Variants in DDHD1 observed in about 807,000 individuals in gnomAD.
DDHD1 encodes the protein DDHD domain containing 1.
Under a neutral mutation model 96.4 loss-of-function variants are expected in DDHD1, and 49 were observed. That is an observed-to-expected ratio of 0.51 (90% CI 0.40 to 0.64). The LOEUF (loss-of-function observed/expected upper bound fraction) is 0.64, where lower values mean the gene tolerates loss of function less well. DDHD1 is among the 30% of genes least tolerant of loss of function. The probability of loss-of-function intolerance (pLI) is 0.00; values close to 1 mark genes in which losing one functional copy is unlikely to be tolerated. For synonymous variants in DDHD1, 442 were observed against 446.5 expected (o/e 0.99, Z 0.13); for missense variants, 1,106 against 1,161.2 (o/e 0.95, Z 0.69).
intron 11 of DDHD1, 149 bp from the exon 12 acceptor site, chr14:53,052,076 T>G: frequency 1.7e-6 from 1 of 599,932 alleles, no homozygotes; most frequent in African/African-American, 1.8e-5. Context: ...TTAATTTTTG[T>G]AAGGAGCTCT....
At chr14:53,067,747 G>A (rs984469691) in intron 6 of DDHD1, among the ~76,000 whole-genome samples, 10 of 152,158 alleles carry the variant, frequency 6.6e-5, no homozygotes, top group Admixed American at 3.9e-4. Context: ...ATCAGCCACC[G>A]TGCCCTGCCC....
rs1886461778 is a variant in DDHD1, at chr14:53,091,898, A to C, written c.1176T>G (p.Tyr392Ter). Residue 392 changes from tyrosine to a stop codon, truncating the protein, a stop_gained, in exon 4 of 13, where the codon TAT becomes TAG. Coordinates refer to ENST00000673822, the MANE Select transcript of DDHD1 (RefSeq NM_001160148.2). LOFTEE classifies it high-confidence loss of function. Reference sequence around the variant, plus strand: ...TGTCTTCTAATGTGGCTTCTTCTACATAACCTCTATGAAGTCTGGTACCAC... The same window carrying C: ...TGTCTTCTAATGTGGCTTCTTCTACCTAACCTCTATGAAGTCTGGTACCAC... ...SSSGTRLHRG[Y>*]VEEATLEDKP... is the part of the protein sequence containing the mutation. 1 of 1,613,262 alleles carries C rather than the reference A, an allele frequency of 6.2e-7. No homozygotes were observed. The highest frequency in any genetic ancestry group is 8.5e-7 in the Non-Finnish European group (1 of 1,179,476).
intron 12 of DDHD1, among the ~76,000 whole-genome samples, chr14:53,048,236 A>G (rs1274347137): frequency 6.6e-6 from 1 of 151,990 alleles, no homozygotes; most frequent in Non-Finnish European, 1.5e-5. Context: ...CTAGCTACAC[A>G]TTTTCAGAGA....
At chr14:53,055,948 G>A in intron 9 of DDHD1, 36 bp from the exon 10 acceptor site, 1 of 1,560,160 alleles carries the variant, frequency 6.4e-7, no homozygotes, top group Non-Finnish European at 8.7e-7. Context: ...GAAACACAGT[G>A]TTAAATCACA....
intron 1 of DDHD1, among the ~76,000 whole-genome samples, chr14:53,138,103 T>C (rs964024914): frequency 6.6e-6 from 1 of 152,194 alleles, no homozygotes; most frequent in Non-Finnish European, 1.5e-5. Flanking sequence ...AATTGTTTTT[T>C]TAAAAATTGA....
chr14:53,053,782 C>A (rs1882810891), intron 11 of DDHD1: 1 of 152,068 alleles, frequency 6.6e-6, no homozygotes, highest in Non-Finnish European at 1.5e-5. Context: ...AAATAATGTT[C>A]AAGTTCAGAC....
chr14:53,118,253 TCTC>T (rs1279945062), intron 1 of DDHD1, among the ~76,000 whole-genome samples: 7 of 152,080 alleles, frequency 4.6e-5, no homozygotes, highest in Non-Finnish European at 1.5e-5. Context: ...GAGCGCCTCT[TCTC>T]CTCCAAAGGA....
At chr14:53,131,353 T>C (rs1889851500) in intron 1 of DDHD1, among the ~76,000 whole-genome samples, 1 of 152,170 alleles carries the variant, frequency 6.6e-6, no homozygotes, top group Admixed American at 6.5e-5. Context: ...CATTAAAATC[T>C]AATCAGCCTT....
At position 53,101,460 on chromosome 14, in the gene DDHD1, A is replaced by C. The variant is rs114551740; in HGVS notation, c.1012+2223T>G. 5.5e-3 allele frequency among the ~76,000 whole-genome samples: 833 copies of C among 152,202 alleles called. 8 individuals carry two copies. The highest frequency in any genetic ancestry group is 0.019 in the African/African-American group (795 of 41,574). On this transcript the variant is annotated intron_variant, in intron 2 of 12. Coordinates refer to ENST00000673822, the MANE Select transcript of DDHD1 (RefSeq NM_001160148.2). ...TGCTGAATCTTATATGCCACAGTAC[A>C]TTATAAAAACAAATTTTCTTCTAAT...
intron 1 of DDHD1, among the ~76,000 whole-genome samples, chr14:53,145,499 T>C (rs1890918136): frequency 1.1e-5 from 1 of 95,228 alleles, no homozygotes; most frequent in African/African-American, 4.7e-5. Flanking sequence ...CAAAACCTTG[T>C]CTCAAAAAAA....
chr14:53,071,337 TAA>T (rs1884489378), intron 6 of DDHD1, among the ~76,000 whole-genome samples: 1 of 152,060 alleles, frequency 6.6e-6, no homozygotes, highest in African/African-American at 2.4e-5. Context: ...ACTATAACAA[TAA>T]GTGTAAATGC....
chr14:53,133,878 C>T (rs1427317573), intron 1 of DDHD1, among the ~76,000 whole-genome samples: 3 of 151,958 alleles, frequency 2.0e-5, no homozygotes, highest in Admixed American at 6.5e-5. Flanking sequence ...TCTACAACCT[C>T]GATGGACCAG....
chr14:53,141,141 C>T (rs1323081939), intron 1 of DDHD1, among the ~76,000 whole-genome samples: 1 of 152,186 alleles, frequency 6.6e-6, no homozygotes, highest in Non-Finnish European at 1.5e-5. Flanking sequence ...CTTCTCCTCA[C>T]TGACAAAATA....
At chr14:53,086,047 A>T (rs1265815262) in intron 4 of DDHD1, among the ~76,000 whole-genome samples, 5 of 152,242 alleles carry the variant, frequency 3.3e-5, no homozygotes, top group Admixed American at 2.0e-4. Context: ...AAGAAAGGTT[A>T]TCAGTGAATG....
In DDHD1 at chr14:53,153,015, T is replaced by A; in HGVS notation, c.84A>T (p.Ser28=). The A allele has an allele frequency of 2.6e-6, 4 of 1,526,378 alleles. No homozygotes were observed. Among genetic ancestry groups the A allele is most frequent in the Non-Finnish European group, 3.5e-6 (4 of 1,140,522 alleles). The allele number at this position is 1,526,378 out of a possible 1,614,324, so 94.6% of individuals were successfully genotyped here. ...GGGGGAWELG[S]DARPAFGGGV... Reference sequence around the variant, plus strand: ...CGCCGCCGAACGCTGGCCTCGCGTCTGAGCCCAGCTCCCAGGCGCCGCCGC... The same window carrying A: ...CGCCGCCGAACGCTGGCCTCGCGTCAGAGCCCAGCTCCCAGGCGCCGCCGC... Residue 28 remains serine (S), a synonymous_variant, in exon 1 of 13, where the codon TCA becomes TCT. Transcript: ENST00000673822.
chr14:53,115,309 C>T (rs10139823), intron 1 of DDHD1, among the ~76,000 whole-genome samples: 131,376 of 152,204 alleles, frequency 0.86, 56,811 homozygotes, highest in East Asian at 0.98. Flanking sequence ...CACTTCAGGA[C>T]ATTATCCAGG....
chr14:53,055,077 C>T (rs1882926772), intron 10 of DDHD1, among the ~76,000 whole-genome samples: 2 of 152,104 alleles, frequency 1.3e-5, no homozygotes, highest in Admixed American at 1.3e-4. Flanking sequence ...GGAGATAAAG[C>T]CTATTTATAG....
rs1238606688 is a variant in DDHD1, at chr14:53,043,556, T to G, written c.*3212A>C. 2 of 152,090 alleles carry G rather than the reference T, an allele frequency of 1.3e-5. No homozygotes were observed. The highest frequency in any genetic ancestry group is 2.9e-5 in the Non-Finnish European group (2 of 68,090). 9.4% of individuals were successfully genotyped at this position (152,090 alleles called of 1,614,324 possible). A position where few individuals can be genotyped will look rare whatever the true frequency, so the allele number is the denominator to read the frequency against. On this transcript the variant is annotated 3_prime_UTR_variant, in exon 13 of 13. Transcript: ENST00000673822. The stretch of plus-strand genomic sequence containing the variant: ...GTCCTACCGACCTCAGCCTCCTGAG[T>G]AGCTGGGACCACAGGCGTCTGCCAA...
chr14:53,081,478 T>G (rs1440006013), intron 4 of DDHD1, among the ~76,000 whole-genome samples: 1 of 152,226 alleles, frequency 6.6e-6, no homozygotes. Flanking sequence ...AGATTAGTGG[T>G]TCTCAACCAT....
Sources: gnomAD v4.1 joint callset for allele counts (sites outside exome capture counted in the v4.1 genomes callset) on GRCh38, gnomAD v4.1.1 for gene constraint, MANE v1.5 for transcripts, NCBI Gene and HGNC (gene_info 2026-07-23, HGNC 2026-07-21) for gene names.